Variants in STX18 observed in about 807,000 individuals in gnomAD.
The protein encoded by STX18 is syntaxin-18.
STX18 carries 40 observed loss-of-function variants against 50.1 expected under a neutral mutation model. The observed-to-expected ratio is 0.80, with a 90% CI of 0.62 to 1.04. STX18 has a LOEUF of 1.04. Among genes scored for constraint, STX18 ranks in the 50% least tolerant of loss-of-function variants. The pLI is 0.00. For missense variants in STX18, 410 were observed against 415.8 expected, an observed-to-expected ratio of 0.99 and a Z score of 0.12; for synonymous variants, 158 against 151.8, an observed-to-expected ratio of 1.04 and a Z score of -0.30.
intron 1 of STX18, among the ~76,000 whole-genome samples, chr4:4,481,247 C>G (rs571712472): frequency 4.1e-4 from 63 of 152,330 alleles, no homozygotes; most frequent in African/African-American, 1.5e-3. Context: ...CTGATCACAG[C>G]AGTGGTTTGA....
intron 1 of STX18, among the ~76,000 whole-genome samples, chr4:4,526,413 A>C (rs911098589): frequency 6.6e-6 from 1 of 152,200 alleles, no homozygotes; most frequent in Non-Finnish European, 1.5e-5. Context: ...AGAGGACAGG[A>C]AAAGGGAGAA....
chr4:4,529,135 G>A (rs1024452623), intron 1 of STX18, among the ~76,000 whole-genome samples: 5 of 152,104 alleles, frequency 3.3e-5, no homozygotes, highest in Non-Finnish European at 5.9e-5. Flanking sequence ...AGGCTGAGAC[G>A]GGCGGATCAC....
chr4:4,463,238 T>C (rs1306953680), intron 2 of STX18, among the ~76,000 whole-genome samples: 2 of 152,210 alleles, frequency 1.3e-5, no homozygotes, highest in East Asian at 1.9e-4. Flanking sequence ...AACTCTGCTG[T>C]TGTAGCATAA....
intron 1 of STX18, among the ~76,000 whole-genome samples, chr4:4,536,508 G>C (rs1269068280): frequency 6.6e-6 from 1 of 152,204 alleles, no homozygotes; most frequent in Non-Finnish European, 1.5e-5. Context: ...AGAGACCTGA[G>C]GAACTGAGAG....
intron 5 of STX18, among the ~76,000 whole-genome samples, chr4:4,438,875 G>T (rs1725934196): frequency 6.6e-6 from 1 of 151,462 alleles, no homozygotes; most frequent in Admixed American, 6.6e-5. Flanking sequence ...AATGCAAAAA[G>T]ATTGCTGAGT....
At position 4,425,457 on chromosome 4, in the gene STX18, A is replaced by C. The variant is rs112236932; in HGVS notation, c.703-235T>G. The C allele has an allele frequency of 1.2e-4, 73 of 593,640 alleles. 1 individual carries two copies. The highest frequency in any genetic ancestry group is 1.1e-3 in the African/African-American group (57 of 53,858). The allele number at this position is 593,640 out of a possible 1,614,324, so 36.8% of individuals were successfully genotyped here. A position where few individuals can be genotyped will look rare whatever the true frequency, so the allele number is the denominator to read the frequency against. ...GGTAATTGACTTCTCCATCTCAACC[A>C]CTGCACTCCAGGGGTACAAGCTGAC... On this transcript the variant is annotated intron_variant, in intron 7 of 10. Transcript: ENST00000306200.
intron 1 of STX18, among the ~76,000 whole-genome samples, chr4:4,496,241 C>G (rs1262079710): frequency 6.6e-6 from 1 of 152,150 alleles, no homozygotes; most frequent in Non-Finnish European, 1.5e-5. Flanking sequence ...GGTAAGGTAA[C>G]AGAGAGGCCT....
At chr4:4,425,845 G>C (rs577291027) in intron 7 of STX18, 1 of 152,702 alleles carries the variant, frequency 6.5e-6, no homozygotes, top group Admixed American at 6.5e-5. Flanking sequence ...TTGGAGCTGA[G>C]TGAGCTTGGC....
In STX18 at chr4:4,459,431, T is replaced by G; in HGVS notation, c.293A>C (p.Gln98Pro). ...MTDTERDQID[Q>P]DAQIFMRTCS... is the part of the protein sequence containing the mutation. Reference sequence around the variant, plus strand: ...GGTCCTCATGAATATCTGGGCATCCTGGTCTATCTGGTCTCGTTCTGTGTC... The same window carrying G: ...GGTCCTCATGAATATCTGGGCATCCGGGTCTATCTGGTCTCGTTCTGTGTC... The change falls in exon 3 of 11, where the codon CAG becomes CCG. Residue 98 changes from glutamine (Q) to proline (P), a missense_variant. Physicochemically the swap from Gln to Pro is moderately conservative, Grantham distance 76. Coordinates refer to ENST00000306200, the MANE Select transcript of STX18 (RefSeq NM_016930.4). 1.2e-6 allele frequency: 2 copies of G among 1,614,176 alleles called. No homozygotes were observed. The highest frequency in any genetic ancestry group is 1.7e-6 in the Non-Finnish European group (2 of 1,180,006).
At chr4:4,427,363 G>C (rs1725300858) in intron 7 of STX18, among the ~76,000 whole-genome samples, 1 of 152,224 alleles carries the variant, frequency 6.6e-6, no homozygotes, top group African/African-American at 2.4e-5. Flanking sequence ...AATTAGGCAA[G>C]ACAAAGGCTA....
At chr4:4,458,039 C>T (rs1026485950) in intron 3 of STX18, among the ~76,000 whole-genome samples, 10 of 152,172 alleles carry the variant, frequency 6.6e-5, no homozygotes, top group Admixed American at 1.3e-4. Context: ...GCTAAAAGGC[C>T]TTACCAGACC....
chr4:4,424,098 C>A (rs892185579), intron 8 of STX18, among the ~76,000 whole-genome samples: 4 of 150,564 alleles, frequency 2.7e-5, no homozygotes, highest in African/African-American at 1.0e-4. Flanking sequence ...AAAAGCTCCT[C>A]TGATTCATTT....
intron 1 of STX18, among the ~76,000 whole-genome samples, chr4:4,474,003 C>A (rs926923834): frequency 2.6e-5 from 4 of 152,096 alleles, no homozygotes; most frequent in African/African-American, 9.7e-5. Flanking sequence ...AAGTCCCTGC[C>A]GCACACCCCG....
intron 2 of STX18, among the ~76,000 whole-genome samples, chr4:4,460,498 A>G (rs954309981): frequency 1.3e-5 from 2 of 152,048 alleles, no homozygotes; most frequent in Admixed American, 6.6e-5. Flanking sequence ...AGGCCCTTCT[A>G]AAAAAGAAAG....
In STX18 at chr4:4,420,824, C is replaced by T; in HGVS notation, c.912+40G>A. The T allele has an allele frequency of 1.3e-6, 2 of 1,567,930 alleles. No homozygotes were observed. The highest frequency in any genetic ancestry group is 1.8e-6 in the Non-Finnish European group (2 of 1,138,330). On this transcript the variant is annotated intron_variant, in intron 10 of 10. Transcript: ENST00000306200. The surrounding 1 kb of genome is among the most constrained non-coding windows in gnomAD (Gnocchi z 4.3). Reference sequence around the variant, plus strand: ...TAACACCCGCTGCTGGGACTCAGTGCTGCGCCACGTCGCACCTGGGGAACC... The same window carrying T: ...TAACACCCGCTGCTGGGACTCAGTGTTGCGCCACGTCGCACCTGGGGAACC...
intron 1 of STX18, among the ~76,000 whole-genome samples, chr4:4,514,418 T>C (rs1290422465): frequency 1.3e-5 from 2 of 152,210 alleles, no homozygotes; most frequent in African/African-American, 2.4e-5. Flanking sequence ...AAAAGTTCTA[T>C]CTTTCAGTTA....
chr4:4,496,981 T>C (rs987662799), intron 1 of STX18, among the ~76,000 whole-genome samples: 2 of 152,180 alleles, frequency 1.3e-5, no homozygotes, highest in African/African-American at 2.4e-5. Context: ...GTAGAGTGCC[T>C]AGACAATGTC....
chr4:4,423,037 C>T lies in STX18; in HGVS notation c.831+481G>A, dbSNP rs12501912. On this transcript the variant is annotated intron_variant, in intron 9 of 10. Transcript: ENST00000306200. ...ACACCATCCCTGAGGTGGCATGGAC[C>T]GCGCGTTGTGAGAGGCCTGGGTCTG... Among the ~76,000 whole-genome samples, 1,125 of 152,280 alleles carry T rather than the reference C, an allele frequency of 7.4e-3. 15 individuals carry two copies. Among genetic ancestry groups the T allele is most frequent in the African/African-American group, 0.026 (1,083 of 41,536 alleles).
chr4:4,453,109 G>A (rs1173000486), intron 5 of STX18, among the ~76,000 whole-genome samples: 1 of 152,222 alleles, frequency 6.6e-6, no homozygotes, highest in Non-Finnish European at 1.5e-5. Context: ...TGAAGAGACT[G>A]TGAACATTGT....
Sources: gnomAD v4.1 joint callset for allele counts (sites outside exome capture counted in the v4.1 genomes callset) on GRCh38, gnomAD v4.1.1 for gene constraint, Gnocchi (gnomAD v3.1) non-coding constraint, MANE v1.5 for transcripts, NCBI Gene and HGNC (gene_info 2026-07-23, HGNC 2026-07-21) for gene names.